Variants in NUP214 observed in about 807,000 individuals in gnomAD.
NUP214 encodes nucleoporin 214.
NUP214 carries 79 observed loss-of-function variants against 196.2 expected under a neutral mutation model. The observed-to-expected ratio is 0.40, with a 90% CI of 0.34 to 0.49. The LOEUF (loss-of-function observed/expected upper bound fraction) is 0.49. Among genes scored for constraint, NUP214 ranks in the 20% least tolerant of loss-of-function variants. The pLI, the probability that NUP214 is intolerant of heterozygous loss-of-function variation, is 0.58. For synonymous variants in NUP214, 1,020 were observed against 990.5 expected (o/e 1.03, Z -0.56); for missense variants, 2,468 against 2,539.0 (o/e 0.97, Z 0.60).
rs1833529055 is a variant in NUP214 at position 131,189,051 on chromosome 9, A to AG, written c.3498dup. On this transcript the variant is annotated splice_acceptor_variant, in intron 25 of 35. Transcript: ENST00000359428. LOFTEE classifies it high-confidence loss of function. ...AAACATTTTGCTTGCATTCTGTTAT[A>AG]GGGGTCTCTAATAAATTCCCTTAAG... 1 of 1,611,008 alleles carries AG rather than the reference A, an allele frequency of 6.2e-7. No homozygotes were observed.
rs747256813 is a variant in NUP214 at position 131,198,592 on chromosome 9, A to G, written c.5098A>G (p.Thr1700Ala). 3 of 1,614,224 alleles carry G rather than the reference A, an allele frequency of 1.9e-6. No homozygotes were observed. In the South Asian group the frequency reaches 3.3e-5, roughly 18 times the overall value. Residue 1700 changes from threonine to alanine, a missense_variant, in exon 29 of 36, where the codon ACA becomes GCA. By Grantham distance (58) the Thr-to-Ala change is moderately conservative (BLOSUM62 0). Coordinates refer to ENST00000359428, the MANE Select transcript of NUP214 (RefSeq NM_005085.4). ...TGSTASTAAA[T>A]PQVSSSGFSS... ...TAGCACAGCCAGCACAGCAGCTGCC[A>G]CACCACAGGTCAGCAGCTCAGGGTT...
At chr9:131,155,337 G>T (rs546881834) in intron 17 of NUP214, among the ~76,000 whole-genome samples, 7 of 152,102 alleles carry the variant, frequency 4.6e-5, no homozygotes, top group Non-Finnish European at 8.8e-5. Flanking sequence ...TGATGGGATT[G>T]TTTGTTTTGT....
chr9:131,197,355 A>ACCT lies in NUP214; in HGVS notation c.3862_3864dup (p.Pro1288dup). 2 of 1,614,102 alleles carry ACCT rather than the reference A, an allele frequency of 1.2e-6. No individual in the cohort carries two copies. Among genetic ancestry groups the ACCT allele is most frequent in the Non-Finnish European group, 1.7e-6 (2 of 1,180,014 alleles). Reference sequence around the variant, plus strand: ...CCGCATCAAACACCACCCCAGGAGAACCTGCCGCATCTAGCAGCAGACCTG... The same window carrying ACCT: ...CCGCATCAAACACCACCCCAGGAGAACCTCCTGCCGCATCTAGCAGCAGACCTG... On this transcript the variant is annotated inframe_insertion, in exon 29 of 36. Coordinates refer to ENST00000359428, the MANE Select transcript of NUP214 (RefSeq NM_005085.4).
At chr9:131,186,158 G>A (rs1833445207) in intron 24 of NUP214, among the ~76,000 whole-genome samples, 1 of 152,166 alleles carries the variant, frequency 6.6e-6, no homozygotes, top group Admixed American at 6.5e-5. Context: ...GGTGACGGGG[G>A]AACACTGTAT....
chr9:131,131,622 A>G (rs1831546205), intron 5 of NUP214, among the ~76,000 whole-genome samples: 1 of 152,216 alleles, frequency 6.6e-6, no homozygotes, highest in African/African-American at 2.4e-5. Context: ...ACTAACCTGT[A>G]AAAAGATAAT....
chr9:131,196,061 G>T (rs1168023587), intron 28 of NUP214, among the ~76,000 whole-genome samples: 1 of 102,804 alleles, frequency 9.7e-6, no homozygotes, highest in African/African-American at 3.7e-5. Flanking sequence ...TCCATCAATA[G>T]CATGTTTTTA....
intron 24 of NUP214, among the ~76,000 whole-genome samples, chr9:131,180,843 C>G (rs564245703): frequency 1.3e-5 from 2 of 152,288 alleles, no homozygotes; most frequent in South Asian, 4.1e-4. Flanking sequence ...TTCATTTATT[C>G]ATTCTTTCAA....
chr9:131,211,621 A>C (rs1834242906), intron 30 of NUP214, among the ~76,000 whole-genome samples: 1 of 152,182 alleles, frequency 6.6e-6, no homozygotes, highest in Non-Finnish European at 1.5e-5. Flanking sequence ...GACATTTATT[A>C]GTTCCCCAAA....
intron 9 of NUP214, among the ~76,000 whole-genome samples, chr9:131,137,400 C>A (rs1321639818): frequency 2.6e-5 from 4 of 152,106 alleles, no homozygotes; most frequent in African/African-American, 9.7e-5. Context: ...TAGTTTTAGA[C>A]CTTACTGACT....
chr9:131,154,456 C>CTATT (rs1347918973), intron 17 of NUP214, among the ~76,000 whole-genome samples: 1 of 152,032 alleles, frequency 6.6e-6, no homozygotes, highest in East Asian at 1.9e-4. Flanking sequence ...GTCTATCTAT[C>CTATT]TATTTATTTA....
At chr9:131,194,463 C>G (rs990966274) in intron 27 of NUP214, among the ~76,000 whole-genome samples, 1 of 152,122 alleles carries the variant, frequency 6.6e-6, no homozygotes, top group African/African-American at 2.4e-5. Context: ...GTCTCAAACT[C>G]CTGGGCTCAA....
intron 14 of NUP214, among the ~76,000 whole-genome samples, chr9:131,149,082 G>A (rs79584081): frequency 3.3e-5 from 5 of 151,928 alleles, no homozygotes; most frequent in East Asian, 1.9e-4. Flanking sequence ...AGTTTCCCAC[G>A]TGATTACTTG....
At chr9:131,153,302 C>T (rs968956914) in intron 17 of NUP214, 2 of 151,718 alleles carry the variant, frequency 1.3e-5, no homozygotes, top group African/African-American at 4.8e-5. Context: ...AGGCCTCAAA[C>T]TTTATTGTTC....
intron 30 of NUP214, among the ~76,000 whole-genome samples, chr9:131,204,448 C>T (rs773649703): frequency 4.6e-5 from 7 of 152,172 alleles, no homozygotes; most frequent in Non-Finnish European, 7.3e-5. Flanking sequence ...TGAGGGCTAT[C>T]GATAGCCTCT....
At chr9:131,211,210 G>A (rs1834232726) in intron 30 of NUP214, among the ~76,000 whole-genome samples, 1 of 152,184 alleles carries the variant, frequency 6.6e-6, no homozygotes, top group African/African-American at 2.4e-5. Flanking sequence ...ATAGTGTTAA[G>A]TACTGTGAAA....
chr9:131,127,521 C>T lies in NUP214; in HGVS notation c.46-3C>T. On this transcript the variant is annotated splice_polypyrimidine_tract_variant and splice_region_variant and intron_variant, in intron 1 of 35. Coordinates refer to ENST00000359428, the MANE Select transcript of NUP214 (RefSeq NM_005085.4). ...TTGATCTCGTTTTGATTCTTCACAA[C>T]AGGATTTTCAGTTTAGAGCGCTAAA... is the stretch of plus-strand genomic sequence containing the variant. 1 of 1,597,846 alleles carries T rather than the reference C, an allele frequency of 6.3e-7. No homozygotes were observed. The highest frequency in any genetic ancestry group is 1.1e-5 in the South Asian group (1 of 88,256).
At position 131,147,547 on chromosome 9, in the gene NUP214, G is replaced by A; in HGVS notation, c.2003G>A (p.Arg668Lys). 1 of 1,614,088 alleles carries A rather than the reference G, an allele frequency of 6.2e-7. No individual in the cohort carries two copies. The highest frequency in any genetic ancestry group is 8.5e-7 in the Non-Finnish European group (1 of 1,179,980). The change falls in exon 14 of 36, where the codon AGG (arginine) becomes AAG (lysine). Residue 668 changes from arginine to lysine, a missense_variant. Physicochemically the swap from Arg to Lys is conservative, Grantham distance 26. Coordinates refer to ENST00000359428, the MANE Select transcript of NUP214 (RefSeq NM_005085.4). ...CCCTCAATGGTACAGAAATCACCCA[G>A]GATAACCCCTCCAGCGGCAAAGCCA... ...PVPSMVQKSP[R>K]ITPPAAKPGS...
intron 21 of NUP214, among the ~76,000 whole-genome samples, chr9:131,170,496 T>C (rs116330045): frequency 0.013 from 1,938 of 152,346 alleles, 38 homozygotes; most frequent in African/African-American, 0.045. Flanking sequence ...TTTCTCTTAA[T>C]GTTTTCTGCG....
intron 33 of NUP214, chr9:131,228,606 T>A: frequency 3.1e-6 from 1 of 327,138 alleles, no homozygotes; most frequent in Non-Finnish European, 5.6e-6. Context: ...CTGCTGGGGC[T>A]AAAGGAAGGC....
Sources: allele counts gnomAD v4.1 joint callset (sites outside exome capture counted in the v4.1 genomes callset), GRCh38; gene constraint gnomAD v4.1.1; transcripts MANE v1.5; gene names NCBI Gene and HGNC (gene_info 2026-07-23, HGNC 2026-07-21).